SPMIP1: variants seen among roughly 807,000 people sequenced by gnomAD.
SPMIP1 encodes the protein sperm microtubule inner protein 1, also known as protein SPMIP1.
chr7:128,866,600 C>T, the SPMIP1 span: 5 of 1,534,284 alleles, frequency 3.3e-6, no homozygotes, highest in African/African-American at 1.4e-5. Flanking sequence ...CCACTCTCAC[C>T]CCCACCCGCC....
the SPMIP1 span, chr7:128,868,778 G>A: frequency 1.3e-6 from 2 of 1,530,210 alleles, no homozygotes; most frequent in African/African-American, 1.4e-5. Flanking sequence ...CCCTCTGACC[G>A]TGGGCCAGGT....
the SPMIP1 span, chr7:128,868,740 T>C: frequency 6.5e-7 from 1 of 1,535,702 alleles, no homozygotes; most frequent in Non-Finnish European, 8.7e-7. Flanking sequence ...GAACGGGGCC[T>C]TCGCACTGCT....
chr7:128,871,368 A>AG, the SPMIP1 span: 1 of 152,206 alleles, frequency 6.6e-6, no homozygotes, highest in African/African-American at 2.4e-5. Context: ...TGTGCCCATC[A>AG]GGCCCAGAGA....
At chr7:128,868,579 C>G in the SPMIP1 span, 1 of 787,266 alleles carries the variant, frequency 1.3e-6, no homozygotes, top group African/African-American at 1.7e-5. Context: ...TGACGGATTC[C>G]TAGGGCTGTG....
the SPMIP1 span, chr7:128,870,091 C>CAAA: frequency 6.6e-6 from 1 of 152,280 alleles, no homozygotes; most frequent in Admixed American, 6.5e-5. Flanking sequence ...CCGCCGGTGC[C>CAAA]GACCTTTGTG....
At chr7:128,868,698 A>G in the SPMIP1 span, 147 of 1,535,858 alleles carry the variant, frequency 9.6e-5, no homozygotes, top group East Asian at 2.2e-3. Flanking sequence ...GGTCTCCTGC[A>G]AGATGTGCCG....
At chr7:128,866,672 T>C in the SPMIP1 span, 1 of 1,294,260 alleles carries the variant, frequency 7.7e-7, no homozygotes. Context: ...CAGTCGGAAA[T>C]GTACCCGGTA....
At chr7:128,867,937 G>A in the SPMIP1 span, among the ~76,000 whole-genome samples, 2 of 152,184 alleles carry the variant, frequency 1.3e-5, no homozygotes, top group African/African-American at 2.4e-5. Flanking sequence ...GGGAGTGGGG[G>A]CAGGAGGGCT....
chr7:128,868,599 A>T, the SPMIP1 span: 4 of 990,092 alleles, frequency 4.0e-6, no homozygotes, highest in Non-Finnish European at 4.5e-6. Context: ...GCAGACAGAC[A>T]GGGCTCCCAT....
the SPMIP1 span, chr7:128,866,922 C>A: frequency 7.9e-7 from 1 of 1,263,218 alleles, no homozygotes; most frequent in Non-Finnish European, 1.1e-6. Context: ...AGACTATAAA[C>A]AGAGCAAGGA....
chr7:128,871,827 A>G, the SPMIP1 span: 6 of 152,218 alleles, frequency 3.9e-5, no homozygotes, highest in African/African-American at 1.2e-4. Context: ...AACAATCTCC[A>G]ACCTCCCACT....
At chr7:128,868,612 T>G in the SPMIP1 span, 1 of 1,178,976 alleles carries the variant, frequency 8.5e-7, no homozygotes. Flanking sequence ...GCTCCCATGC[T>G]CTGCGTGTCC....
At chr7:128,871,070 A>C in the SPMIP1 span, 3 of 152,240 alleles carry the variant, frequency 2.0e-5, no homozygotes, top group Non-Finnish European at 4.4e-5. Context: ...GTTCACCTAG[A>C]CTAGAGCCAG....
chr7:128,868,703 G>A, the SPMIP1 span: 5 of 1,535,954 alleles, frequency 3.3e-6, no homozygotes, highest in Admixed American at 9.8e-5. Flanking sequence ...CCTGCAAGAT[G>A]TGCCGCATTG....
the SPMIP1 span, chr7:128,868,849 G>T: frequency 5.0e-6 from 5 of 991,804 alleles, no homozygotes; most frequent in Non-Finnish European, 7.4e-6. Context: ...GCTGCTGTGT[G>T]TGTCTGTGCC....
At chr7:128,866,537 C>T in the SPMIP1 span, 3 of 1,535,820 alleles carry the variant, frequency 2.0e-6, no homozygotes, top group South Asian at 1.2e-5. Flanking sequence ...AAGCAGAAGG[C>T]TAAGGCTGCA....
the SPMIP1 span, chr7:128,869,079 C>G: frequency 1.2e-5 from 5 of 401,716 alleles, no homozygotes; most frequent in East Asian, 1.8e-4. Context: ...CTGGGTGTTC[C>G]TGGGGAGAGA....
At chr7:128,868,679 G>A in the SPMIP1 span, 1 of 1,535,194 alleles carries the variant, frequency 6.5e-7, no homozygotes, top group Non-Finnish European at 8.7e-7. Context: ...CCCCAGTGAA[G>A]CAAGAACTGG....
chr7:128,866,536 G>T, the SPMIP1 span: 3 of 1,535,802 alleles, frequency 2.0e-6, no homozygotes, highest in Non-Finnish European at 2.6e-6. Flanking sequence ...CAAGCAGAAG[G>T]CTAAGGCTGC....
Sources: gnomAD v4.1 joint callset for allele counts (sites outside exome capture counted in the v4.1 genomes callset) on GRCh38, gnomAD v4.1.1 for gene constraint, MANE v1.5 for transcripts, NCBI Gene and HGNC (gene_info 2026-07-23, HGNC 2026-07-21) for gene names.